Variants in ARHGAP15 observed in about 807,000 individuals in gnomAD.
ARHGAP15 encodes rho GTPase-activating protein 15.
ARHGAP15 carries 51 observed loss-of-function variants against 63.7 expected under a neutral mutation model. The ratio of observed to expected loss-of-function variants is 0.80; its 90% CI spans 0.64 to 1.01. The LOEUF (loss-of-function observed/expected upper bound fraction) is 1.01. Ranked by LOEUF, ARHGAP15 falls within the 50% of genes least tolerant of loss-of-function variation. ARHGAP15 has a pLI of 0.00. For missense variants in ARHGAP15, 560 were observed against 564.6 expected (o/e 0.99, Z 0.08); for synonymous variants, 191 against 193.8 (o/e 0.99, Z 0.12).
chr2:143,273,859 A>G (rs1681417384), intron 6 of ARHGAP15, among the ~76,000 whole-genome samples: 1 of 152,184 alleles, frequency 6.6e-6, no homozygotes. Flanking sequence ...TGATGAATAC[A>G]AAGATTATTG....
chr2:143,513,374 T>C (rs755938581), intron 9 of ARHGAP15, among the ~76,000 whole-genome samples: 9 of 152,204 alleles, frequency 5.9e-5, no homozygotes, highest in Non-Finnish European at 1.3e-4. Context: ...AAATACCCTG[T>C]AGCTGAAATT....
intron 12 of ARHGAP15, among the ~76,000 whole-genome samples, chr2:143,656,956 TG>T (rs1681474386): frequency 6.6e-6 from 1 of 151,712 alleles, no homozygotes; most frequent in Non-Finnish European, 1.5e-5. Flanking sequence ...TGTGTGTGTG[TG>T]TGTGTGTGTG....
intron 5 of ARHGAP15, among the ~76,000 whole-genome samples, chr2:143,235,278 G>A (rs1419572342): frequency 6.7e-6 from 1 of 148,330 alleles, no homozygotes; most frequent in Non-Finnish European, 1.5e-5. Context: ...TTTGAAGAAG[G>A]CGAGCTCACA....
At chr2:143,522,798 A>T (rs1694111035) in intron 10 of ARHGAP15, among the ~76,000 whole-genome samples, 1 of 152,150 alleles carries the variant, frequency 6.6e-6, no homozygotes, top group African/African-American at 2.4e-5. Context: ...GGAAAGCTTG[A>T]TGTAGAGGAA....
At chr2:143,378,292 C>T (rs145746164) in intron 6 of ARHGAP15, among the ~76,000 whole-genome samples, 30 of 151,950 alleles carry the variant, frequency 2.0e-4, no homozygotes, top group East Asian at 1.4e-3. Flanking sequence ...TCTGGAGATA[C>T]GAAACAGTTT....
chr2:143,421,132 C>T (rs1458923077), intron 6 of ARHGAP15, among the ~76,000 whole-genome samples: 2 of 151,414 alleles, frequency 1.3e-5, no homozygotes, highest in African/African-American at 4.8e-5. Flanking sequence ...CACATTGCCC[C>T]ATCTTTGTTT....
intron 10 of ARHGAP15, among the ~76,000 whole-genome samples, chr2:143,528,078 A>G (rs1574581885): frequency 6.6e-6 from 1 of 152,042 alleles, no homozygotes; most frequent in Non-Finnish European, 1.5e-5. Flanking sequence ...ATTTTTGGAT[A>G]CTCCATTTAA....
intron 2 of ARHGAP15, among the ~76,000 whole-genome samples, chr2:143,174,075 C>T (rs1333331720): frequency 6.6e-6 from 1 of 152,046 alleles, no homozygotes; most frequent in Non-Finnish European, 1.5e-5. Flanking sequence ...TCAAACAGTT[C>T]CCTCTCACCC....
Position 143,228,655 on chromosome 2 carries a change from C to T in ARHGAP15, c.371C>T (p.Ala124Val), listed in dbSNP as rs750525804. 2 of 1,598,152 alleles carry T rather than the reference C, an allele frequency of 1.3e-6. No homozygotes were observed. Among genetic ancestry groups the T allele is most frequent in the African/African-American group, 2.7e-5 (2 of 74,274 alleles). ...IEFYKESKQQ[A>V]LSNMKTGHKP... ...TTTTACAAAGAATCCAAGCAACAGG[C>T]TCTGTCCAATATGGTAAGTAATTCT... The change falls in exon 5 of 14, where the codon GCT becomes GTT. Residue 124 changes from alanine (A) to valine (V), a missense_variant. Physicochemically the swap from Ala to Val is moderately conservative, Grantham distance 64 (BLOSUM62 0). Coordinates refer to ENST00000295095, the MANE Select transcript of ARHGAP15 (RefSeq NM_018460.4).
intron 3 of ARHGAP15, among the ~76,000 whole-genome samples, chr2:143,211,707 C>T (rs1558816679): frequency 6.6e-6 from 1 of 152,052 alleles, no homozygotes; most frequent in Non-Finnish European, 1.5e-5. Context: ...CCTGTCTCAG[C>T]ATTGTGGATC....
At chr2:143,646,309 A>AT (rs1468180420) in intron 12 of ARHGAP15, among the ~76,000 whole-genome samples, 1 of 152,086 alleles carries the variant, frequency 6.6e-6, no homozygotes, top group Non-Finnish European at 1.5e-5. Flanking sequence ...AGAAAAAAAA[A>AT]GATTGTGATA....
intron 12 of ARHGAP15, among the ~76,000 whole-genome samples, chr2:143,656,750 T>C (rs1681454820): frequency 1.3e-5 from 2 of 152,222 alleles, no homozygotes; most frequent in Admixed American, 1.3e-4. Context: ...ATGTGAATTA[T>C]TTCCAAAGCC....
intron 8 of ARHGAP15, among the ~76,000 whole-genome samples, chr2:143,482,543 T>C (rs1282171401): frequency 6.6e-6 from 1 of 152,246 alleles, no homozygotes; most frequent in African/African-American, 2.4e-5. Flanking sequence ...AAGCAAACTA[T>C]GTCCCGATTA....
At chr2:143,271,711 C>T (rs890811420) in intron 6 of ARHGAP15, among the ~76,000 whole-genome samples, 1 of 152,202 alleles carries the variant, frequency 6.6e-6, no homozygotes, top group Non-Finnish European at 1.5e-5. Context: ...CTCCTGACCT[C>T]GTGATCCGCC....
chr2:143,568,431 C>T (rs2105113724), intron 11 of ARHGAP15, among the ~76,000 whole-genome samples: 2 of 152,330 alleles, frequency 1.3e-5, no homozygotes, highest in East Asian at 3.9e-4. Flanking sequence ...CATCACTGGT[C>T]ATCAGAGAAA....
At chr2:143,139,779 T>G (rs1199222803) in intron 1 of ARHGAP15, among the ~76,000 whole-genome samples, 1 of 152,084 alleles carries the variant, frequency 6.6e-6, no homozygotes, top group African/African-American at 2.4e-5. Context: ...GGAACTTTTT[T>G]CTTTCTTACA....
At chr2:143,715,593 T>C (rs1481115422) in intron 13 of ARHGAP15, among the ~76,000 whole-genome samples, 1 of 152,230 alleles carries the variant, frequency 6.6e-6, no homozygotes, top group African/African-American at 2.4e-5. Flanking sequence ...GTAAATTCGT[T>C]TAAGTACCTT....
intron 12 of ARHGAP15, among the ~76,000 whole-genome samples, chr2:143,684,072 T>A (rs962054353): frequency 3.0e-5 from 4 of 134,942 alleles, no homozygotes; most frequent in African/African-American, 8.1e-5. Context: ...TTTGCACACA[T>A]TTATCTCCTA....
intron 6 of ARHGAP15, among the ~76,000 whole-genome samples, chr2:143,308,883 A>C (rs1037469420): frequency 8.3e-5 from 12 of 144,080 alleles, no homozygotes; most frequent in African/African-American, 3.0e-4. Context: ...CATAAGGGCT[A>C]GTATTTGTGC....
Sources: allele counts gnomAD v4.1 joint callset (sites outside exome capture counted in the v4.1 genomes callset), GRCh38; gene constraint gnomAD v4.1.1; transcripts MANE v1.5; gene names NCBI Gene and HGNC (gene_info 2026-07-23, HGNC 2026-07-21).